Variants in ZFPM2 observed in about 807,000 individuals in gnomAD.
ZFPM2 encodes zinc finger protein ZFPM2.
Under a neutral mutation model 98.6 loss-of-function variants are expected in ZFPM2, and 20 were observed. That is an observed-to-expected ratio of 0.20 (90% CI 0.14 to 0.29). The LOEUF is 0.29. Ranked by LOEUF, ZFPM2 falls within the 10% of genes least tolerant of loss-of-function variation. The pLI, the probability that ZFPM2 is intolerant of heterozygous loss-of-function variation, is 1.00. For missense variants in ZFPM2, 1,310 were observed against 1,388.6 expected (o/e 0.94, Z 0.90); for synonymous variants, 518 against 502.7 (o/e 1.03, Z -0.41).
intron 5 of ZFPM2, among the ~76,000 whole-genome samples, chr8:105,713,745 C>A (rs924851161): frequency 1.3e-5 from 2 of 151,990 alleles, no homozygotes; most frequent in African/African-American, 4.8e-5. Context: ...TTTTTGGAAA[C>A]ATTGTTGAAA....
At chr8:105,501,371 G>C (rs1813592160) in intron 3 of ZFPM2, among the ~76,000 whole-genome samples, 1 of 151,932 alleles carries the variant, frequency 6.6e-6, no homozygotes, top group Non-Finnish European at 1.5e-5. Context: ...TTTTAGTAGA[G>C]AGGGGGTTTC....
At chr8:105,510,900 T>A (rs887139369) in intron 3 of ZFPM2, among the ~76,000 whole-genome samples, 3 of 152,210 alleles carry the variant, frequency 2.0e-5, no homozygotes, top group Non-Finnish European at 4.4e-5. Flanking sequence ...TCTTAAAATA[T>A]GTTCATTGCT....
At chr8:105,442,110 G>A (rs538227223) in intron 2 of ZFPM2, among the ~76,000 whole-genome samples, 50 of 151,500 alleles carry the variant, frequency 3.3e-4, no homozygotes, top group Non-Finnish European at 6.0e-4. Context: ...GAGGTGGGCG[G>A]ATCACGAGGT....
At chr8:105,528,655 A>G (rs1303346880) in intron 3 of ZFPM2, among the ~76,000 whole-genome samples, 3 of 152,210 alleles carry the variant, frequency 2.0e-5, no homozygotes, top group East Asian at 3.8e-4. Flanking sequence ...GCAAGTATTC[A>G]TGCAACATAG....
chr8:105,619,239 A>C (rs1816480722), intron 4 of ZFPM2, among the ~76,000 whole-genome samples: 1 of 152,106 alleles, frequency 6.6e-6, no homozygotes, highest in South Asian at 2.1e-4. Flanking sequence ...TTGGTCATGG[A>C]CCATCAAATA....
intron 5 of ZFPM2, among the ~76,000 whole-genome samples, chr8:105,755,603 T>G (rs1038090042): frequency 2.0e-5 from 3 of 152,166 alleles, no homozygotes; most frequent in African/African-American, 7.2e-5. Flanking sequence ...ACAATTTCAA[T>G]TAGCTCTAAA....
chr8:105,410,324 TA>T (rs1811550738), intron 1 of ZFPM2, among the ~76,000 whole-genome samples: 2 of 151,920 alleles, frequency 1.3e-5, no homozygotes, highest in Admixed American at 1.3e-4. Flanking sequence ...TGAATGTTTT[TA>T]AGGACCACTC....
intron 5 of ZFPM2, among the ~76,000 whole-genome samples, chr8:105,660,139 T>A (rs1278527628): frequency 2.0e-5 from 3 of 150,932 alleles, no homozygotes; most frequent in African/African-American, 7.3e-5. Flanking sequence ...GTTAGTCAAG[T>A]ACATTTTTTT....
intron 3 of ZFPM2, among the ~76,000 whole-genome samples, chr8:105,488,972 C>G (rs1813294045): frequency 1.3e-5 from 2 of 152,040 alleles, no homozygotes; most frequent in African/African-American, 4.8e-5. Flanking sequence ...TCATTTTCTT[C>G]TATTTCAAGT....
chr8:105,537,289 A>G (rs1814472905), intron 3 of ZFPM2, among the ~76,000 whole-genome samples: 1 of 152,160 alleles, frequency 6.6e-6, no homozygotes, highest in African/African-American at 2.4e-5. Flanking sequence ...CTACCAAGAC[A>G]TGTAACCATT....
intron 5 of ZFPM2, among the ~76,000 whole-genome samples, chr8:105,733,107 C>G (rs1361342642): frequency 6.6e-6 from 1 of 151,868 alleles, no homozygotes; most frequent in Admixed American, 6.6e-5. Context: ...ATATAATAAT[C>G]TATTATGAGG....
At chr8:105,534,044 C>T (rs1293204648) in intron 3 of ZFPM2, among the ~76,000 whole-genome samples, 1 of 42,172 alleles carries the variant, frequency 2.4e-5, no homozygotes, top group Non-Finnish European at 4.5e-5. Flanking sequence ...CCCTCCCTCC[C>T]TTCCTCCCTT....
intron 6 of ZFPM2, among the ~76,000 whole-genome samples, chr8:105,792,777 G>A (rs1449536142): frequency 2.6e-5 from 4 of 152,064 alleles, no homozygotes; most frequent in Non-Finnish European, 5.9e-5. Context: ...TCCTGTATTG[G>A]GTGCATATAT....
At chr8:105,751,703 C>G (rs2131053730) in intron 5 of ZFPM2, among the ~76,000 whole-genome samples, 1 of 150,668 alleles carries the variant, frequency 6.6e-6, no homozygotes, top group Non-Finnish European at 1.5e-5. Context: ...TTTTCTTAAG[C>G]AAAAAAGGAG....
At chr8:105,654,311 T>A (rs1427919037) in intron 5 of ZFPM2, among the ~76,000 whole-genome samples, 1 of 152,126 alleles carries the variant, frequency 6.6e-6, no homozygotes, top group African/African-American at 2.4e-5. Context: ...CTCTCTGTCC[T>A]GTCAAAAGGC....
chr8:105,701,970 G>T (rs1246636971), intron 5 of ZFPM2, among the ~76,000 whole-genome samples: 1 of 152,146 alleles, frequency 6.6e-6, no homozygotes, highest in African/African-American at 2.4e-5. Context: ...TTTATAATCA[G>T]CAGTGTTGGA....
chr8:105,336,992 A>C (rs974842191), intron 1 of ZFPM2, among the ~76,000 whole-genome samples: 3 of 151,820 alleles, frequency 2.0e-5, no homozygotes, highest in African/African-American at 7.2e-5. Flanking sequence ...TTAATACATA[A>C]AATTCCTTTA....
rs1811748613 is a variant in ZFPM2 at position 105,419,366 on chromosome 8, A to G, written c.199+64A>G. 7 of 1,572,560 alleles carry G rather than the reference A, an allele frequency of 4.5e-6. 1 individual carries two copies. In the South Asian group the frequency reaches 7.1e-5, roughly 16 times the overall value. On this transcript the variant is annotated intron_variant, in intron 2 of 7. Coordinates refer to ENST00000407775, the MANE Select transcript of ZFPM2 (RefSeq NM_012082.4). ...TAAATGATTTTGTAATGTTTTAAAA[A>G]AATGCATAATAGTCCTCAGAGTGCT... is the stretch of plus-strand genomic sequence containing the variant.
At position 105,503,064 on chromosome 8, in the gene ZFPM2, C is replaced by T. The variant is rs539542607; in HGVS notation, c.302-58299C>T. 1.1e-4 allele frequency among the ~76,000 whole-genome samples: 17 copies of T among 152,236 alleles called. No individual in the cohort carries two copies. In the South Asian group the frequency reaches 2.5e-3, roughly 22 times the overall value. ...ATATTTAGCAGCATCTGGTGTCTTA[C>T]GGGCACATCTAAAAGGTGACAGTCC... On this transcript the variant is annotated intron_variant, in intron 3 of 7. Coordinates refer to ENST00000407775, the MANE Select transcript of ZFPM2 (RefSeq NM_012082.4).
Sources: allele counts gnomAD v4.1 joint callset (sites outside exome capture counted in the v4.1 genomes callset), GRCh38; gene constraint gnomAD v4.1.1; transcripts MANE v1.5; gene names NCBI Gene and HGNC (gene_info 2026-07-23, HGNC 2026-07-21).